The following AR variants were observed in gnomAD, a reference collection of about 807,000 sequenced individuals.
AR encodes androgen receptor, also known as dihydrotestosterone receptor.
A neutral mutation model predicts 53.9 loss-of-function variants in AR; 8 were observed. The ratio of observed to expected loss-of-function variants is 0.15; its 90% CI spans 0.09 to 0.27. The LOEUF is 0.27. Ranked by LOEUF, AR falls within the 10% of genes least tolerant of loss-of-function variation. AR has a pLI of 1.00. For synonymous variants in AR, 359 were observed against 316.4 expected, an observed-to-expected ratio of 1.13 and a Z score of -1.43; for missense variants, 639 against 742.5, an observed-to-expected ratio of 0.86 and a Z score of 1.62.
At chrX:67,607,133 G>C (rs1195067282) in intron 1 of AR, among the ~76,000 whole-genome samples, 1 of 111,020 alleles carries the variant, frequency 9.0e-6, no homozygotes, top group Non-Finnish European at 1.9e-5. Context: ...AGGTTCAAGC[G>C]ATTCTCCTGC....
chrX:67,616,845 G>A (rs1419238513), intron 1 of AR, among the ~76,000 whole-genome samples: 3 of 111,005 alleles, frequency 2.7e-5, no homozygotes, highest in African/African-American at 9.8e-5. Context: ...ATAGACAAAT[G>A]GACCAGCAAA....
chrX:67,676,263 A>G (rs1449245894), intron 2 of AR, among the ~76,000 whole-genome samples: 2 of 111,824 alleles, frequency 1.8e-5, no homozygotes, highest in Non-Finnish European at 1.9e-5. Flanking sequence ...CTTTGTGCAC[A>G]GCTTATTAAT....
At chrX:67,656,479 T>C (rs1926598686) in intron 2 of AR, among the ~76,000 whole-genome samples, 1 of 111,629 alleles carries the variant, frequency 9.0e-6, no homozygotes, top group Non-Finnish European at 1.9e-5. Context: ...TCAGCAGGTT[T>C]GGAAGCCTTA....
intron 2 of AR, among the ~76,000 whole-genome samples, chrX:67,684,533 G>A (rs755107738): frequency 1.4e-4 from 15 of 110,918 alleles, no homozygotes; most frequent in Non-Finnish European, 2.3e-4. Flanking sequence ...GAGTTGTACT[G>A]TTGTGATTTT....
At chrX:67,660,555 T>A (rs375227821) in intron 2 of AR, among the ~76,000 whole-genome samples, 1 of 111,594 alleles carries the variant, frequency 9.0e-6, no homozygotes, top group African/African-American at 3.3e-5. Flanking sequence ...AGGGCTCTGT[T>A]CTGTTCCATT....
intron 1 of AR, among the ~76,000 whole-genome samples, chrX:67,610,154 C>T (rs958088996): frequency 1.8e-5 from 2 of 111,318 alleles, no homozygotes; most frequent in Admixed American, 9.6e-5. Flanking sequence ...TCAAAGGGAG[C>T]TGTCCTACGA....
chrX:67,555,946 G>A lies in AR; in HGVS notation c.1616+9184G>A, dbSNP rs188408640. On this transcript the variant is annotated intron_variant, in intron 1 of 7. Transcript: ENST00000374690. Reference sequence around the variant, plus strand: ...TACTATGGTACTTACTGTTTCATTTGGGATGTTGTTTCTCGAAGTGGCAAG... The same window carrying A: ...TACTATGGTACTTACTGTTTCATTTAGGATGTTGTTTCTCGAAGTGGCAAG... Among the ~76,000 whole-genome samples, 9 of 112,384 alleles carry A rather than the reference G, an allele frequency of 8.0e-5. No individual in the cohort carries two copies. In the Admixed American group the frequency reaches 8.4e-4, roughly 11 times the overall value.
intron 1 of AR, among the ~76,000 whole-genome samples, chrX:67,549,559 T>C (rs1351694209): frequency 8.9e-6 from 1 of 111,939 alleles, no homozygotes; most frequent in Non-Finnish European, 1.9e-5. Flanking sequence ...CTGTCTTCTC[T>C]CTGAGATCAA....
chrX:67,723,100 C>A, intron 7 of AR, 116 bp downstream of exon 7: 1 of 920,031 alleles, frequency 1.1e-6, no homozygotes, highest in South Asian at 2.2e-5. Flanking sequence ...TCCCCTCTGG[C>A]TTTGAGTGTG....
chrX:67,550,792 T>A (rs185009286), intron 1 of AR, among the ~76,000 whole-genome samples: 36 of 110,217 alleles, frequency 3.3e-4, no homozygotes, highest in African/African-American at 1.2e-3. Context: ...CTGTCCCCGA[T>A]TTTCTTTTAT....
At chrX:67,669,171 G>A (rs112975942) in intron 2 of AR, among the ~76,000 whole-genome samples, 207 of 111,176 alleles carry the variant, frequency 1.9e-3, no homozygotes, top group African/African-American at 6.3e-3. Flanking sequence ...TGATATAGGT[G>A]CATATTGCTA....
chrX:67,591,326 A>G (rs1194169507), intron 1 of AR, among the ~76,000 whole-genome samples: 5 of 110,743 alleles, frequency 4.5e-5, no homozygotes, highest in African/African-American at 1.3e-4. Flanking sequence ...TAAGGTTGAG[A>G]AAAAAAGAAG....
intron 1 of AR, among the ~76,000 whole-genome samples, chrX:67,605,015 T>C (rs1053068377): frequency 8.9e-6 from 1 of 112,504 alleles, no homozygotes; most frequent in African/African-American, 3.2e-5. Context: ...CAATATTAGC[T>C]TATTCAACCA....
intron 1 of AR, among the ~76,000 whole-genome samples, chrX:67,613,773 C>T (rs934738151): frequency 8.9e-6 from 1 of 111,882 alleles, no homozygotes; most frequent in Non-Finnish European, 1.9e-5. Context: ...GGGGCAACTC[C>T]TACAAAGCCA....
intron 2 of AR, among the ~76,000 whole-genome samples, chrX:67,647,750 A>G (rs781625109): frequency 2.7e-5 from 3 of 111,336 alleles, no homozygotes; most frequent in Non-Finnish European, 5.7e-5. Context: ...CATGTAGTAA[A>G]TATTTTAGGC....
chrX:67,557,530 T>G (rs1921110352), intron 1 of AR, among the ~76,000 whole-genome samples: 3 of 111,971 alleles, frequency 2.7e-5, no homozygotes, highest in Non-Finnish European at 5.6e-5. Context: ...GCTTTGCTGT[T>G]CTTCAAGAAA....
At chrX:67,638,609 A>G (rs1925578855) in intron 1 of AR, among the ~76,000 whole-genome samples, 1 of 112,143 alleles carries the variant, frequency 8.9e-6, no homozygotes, top group Non-Finnish European at 1.9e-5. Context: ...TGTTGACCGC[A>G]TAAATGTCTT....
chrX:67,704,243 C>G (rs1472949272), intron 3 of AR, among the ~76,000 whole-genome samples: 31 of 112,090 alleles, frequency 2.8e-4, no homozygotes, highest in Non-Finnish European at 9.4e-5. Context: ...AATGGTTGAA[C>G]TAGTTTACAG....
intron 1 of AR, among the ~76,000 whole-genome samples, chrX:67,612,401 C>T (rs1923923994): frequency 8.9e-6 from 1 of 112,453 alleles, no homozygotes; most frequent in Non-Finnish European, 1.9e-5. Flanking sequence ...AGTACCTTAG[C>T]ATAGCTTATG....
Sources: allele counts gnomAD v4.1 joint callset (sites outside exome capture counted in the v4.1 genomes callset), GRCh38; gene constraint gnomAD v4.1.1; transcripts MANE v1.5; gene names NCBI Gene and HGNC (gene_info 2026-07-23, HGNC 2026-07-21).